The following ALMS1 variants were observed in gnomAD, a reference collection of about 807,000 sequenced individuals.
The protein encoded by ALMS1 is centrosome-associated protein ALMS1.
In ALMS1, 271 loss-of-function variants were observed where a neutral mutation model predicts 352.2. The observed-to-expected ratio is 0.77, with a 90% CI of 0.70 to 0.85. ALMS1 has a LOEUF of 0.85. Ranked by LOEUF, ALMS1 falls within the 40% of genes least tolerant of loss-of-function variation. ALMS1 has a pLI of 0.00. For missense variants in ALMS1, 5,445 were observed against 4,870.7 expected (o/e 1.12, Z -3.51); for synonymous variants, 1,865 against 1,761.2 (o/e 1.06, Z -1.48).
Position 73,550,278 on chromosome 2 carries a change from G to A in ALMS1, c.9919G>A (p.Ala3307Thr), listed in dbSNP as rs1324381376. Residue 3307 changes from alanine to threonine, a missense_variant, in exon 13 of 23, where the codon GCC becomes ACC. Coordinates refer to ENST00000613296, the MANE Select transcript of ALMS1 (RefSeq NM_001378454.1). ...VESSHSGSND[A>T]IAPDFPAQVL... ...CCGTTTTTCTGTAGGATCCAATGATGCCATTGCTCCAGACTTCCCAGCTCA... is the reference window on the plus strand; with the variant it reads ...CCGTTTTTCTGTAGGATCCAATGATACCATTGCTCCAGACTTCCCAGCTCA... The A allele has an allele frequency of 6.2e-7, 1 of 1,613,870 alleles. No individual in the cohort carries two copies. Among genetic ancestry groups the A allele is most frequent in the African/African-American group, 1.3e-5 (1 of 74,906 alleles).
chr2:73,565,004 G>T (rs1455106415), intron 15 of ALMS1, among the ~76,000 whole-genome samples: 1 of 152,200 alleles, frequency 6.6e-6, no homozygotes, highest in Admixed American at 6.5e-5. Context: ...AACAATGGCA[G>T]TAGGTTGGTA....
intron 3 of ALMS1, among the ~76,000 whole-genome samples, chr2:73,420,590 AG>A (rs1367427010): frequency 6.6e-6 from 1 of 152,210 alleles, no homozygotes; most frequent in Non-Finnish European, 1.5e-5. Flanking sequence ...ATACTAAAAA[AG>A]GCTATATAAC....
intron 9 of ALMS1, among the ~76,000 whole-genome samples, chr2:73,488,512 C>T (rs551543572): frequency 9.5e-4 from 145 of 152,254 alleles, no homozygotes; most frequent in African/African-American, 3.4e-3. Context: ...TGTGACTGGG[C>T]AGCTGCAGCT....
chr2:73,541,156 A>G (rs1008515727), intron 12 of ALMS1, among the ~76,000 whole-genome samples: 51 of 152,314 alleles, frequency 3.3e-4, no homozygotes, highest in African/African-American at 1.2e-3. Flanking sequence ...AAAGAACAGA[A>G]ATTATAACAA....
At chr2:73,571,324 A>T (rs1674922132) in intron 15 of ALMS1, among the ~76,000 whole-genome samples, 1 of 152,186 alleles carries the variant, frequency 6.6e-6, no homozygotes. Context: ...CATATCAGAG[A>T]TTAGAATTAG....
intron 10 of ALMS1, among the ~76,000 whole-genome samples, chr2:73,513,014 T>C (rs1673483547): frequency 6.6e-6 from 1 of 152,232 alleles, no homozygotes; most frequent in Admixed American, 6.5e-5. Context: ...CATTTTTTAC[T>C]TTTTTCTTTG....
intron 11 of ALMS1, among the ~76,000 whole-genome samples, chr2:73,520,247 A>G (rs967735130): frequency 1.3e-4 from 20 of 152,216 alleles, no homozygotes; most frequent in African/African-American, 4.8e-4. Flanking sequence ...TGTTTGTGTT[A>G]AAACTTAGTT....
intron 10 of ALMS1, among the ~76,000 whole-genome samples, chr2:73,496,551 A>C (rs1015259458): frequency 6.7e-6 from 1 of 149,878 alleles, no homozygotes; most frequent in Non-Finnish European, 1.5e-5. Flanking sequence ...AAACATTTAT[A>C]TACAGGTTTT....
chr2:73,493,392 A>G (rs1673032739), intron 10 of ALMS1, among the ~76,000 whole-genome samples: 1 of 151,102 alleles, frequency 6.6e-6, no homozygotes. Context: ...CATAAAACAT[A>G]TATATATAAG....
At chr2:73,459,663 A>G (rs1361562326) in intron 9 of ALMS1, among the ~76,000 whole-genome samples, 1 of 152,170 alleles carries the variant, frequency 6.6e-6, no homozygotes, top group Non-Finnish European at 1.5e-5. Flanking sequence ...CACTGGAACC[A>G]TTTTAAGCTG....
chr2:73,557,314 C>G lies in ALMS1; in HGVS notation c.10173C>G (p.Ala3391=), dbSNP rs745830910. ...IHSTRAVTEA[A]QAKEKESLQK... ...GTACAAGGGCAGTGACTGAGGCTGC[C>G]CAGGCTAAAGAAAAAGAATCTTTGC... is the stretch of plus-strand genomic sequence containing the variant. Residue 3391 remains alanine, a synonymous_variant, in exon 14 of 23, where the codon GCC becomes GCG. Transcript: ENST00000613296. The G allele has an allele frequency of 6.2e-7, 1 of 1,614,072 alleles. No individual in the cohort carries two copies. The highest frequency in any genetic ancestry group is 1.1e-5 in the South Asian group (1 of 91,068).
chr2:73,578,344 T>A (rs1301839573), intron 16 of ALMS1, among the ~76,000 whole-genome samples: 1 of 152,202 alleles, frequency 6.6e-6, no homozygotes, highest in East Asian at 1.9e-4. Flanking sequence ...CCTCTCTGCC[T>A]TTTAATTGGC....
Position 73,490,115 on chromosome 2 carries a change from C to T in ALMS1, c.8156C>T (p.Ser2719Phe). Residue 2719 changes from serine to phenylalanine, a missense_variant, in exon 10 of 23, where the codon TCT (serine) becomes TTT (phenylalanine). Transcript: ENST00000613296. Reference sequence around the variant, plus strand: ...TTTACTACCTCCATCACTTTTTCATCTCACCGACATTCTAAATGCATTTCC... The same window carrying T: ...TTTACTACCTCCATCACTTTTTCATTTCACCGACATTCTAAATGCATTTCC... Reference protein sequence around the residue: ...KKFTTSITFSSHRHSKCISNS... With the variant: ...KKFTTSITFSFHRHSKCISNS... The T allele has an allele frequency of 6.2e-7, 1 of 1,614,192 alleles. No homozygotes were observed.
chr2:73,515,368 A>G (rs1253730339), intron 10 of ALMS1, among the ~76,000 whole-genome samples: 2 of 152,080 alleles, frequency 1.3e-5, no homozygotes, highest in Non-Finnish European at 2.9e-5. Flanking sequence ...TGTGCTAACT[A>G]GTAGCTAAAT....
chr2:73,435,484 A>G (rs1043203208), intron 7 of ALMS1, among the ~76,000 whole-genome samples: 1 of 151,910 alleles, frequency 6.6e-6, no homozygotes, highest in African/African-American at 2.4e-5. Context: ...TTCAATTTAT[A>G]CTAACTTAAT....
chr2:73,554,930 TAAAC>T (rs1422792227), intron 13 of ALMS1, among the ~76,000 whole-genome samples: 5 of 152,144 alleles, frequency 3.3e-5, no homozygotes, highest in Admixed American at 2.0e-4. Context: ...GTCTGTAAGA[TAAAC>T]AATACGGTAC....
chr2:73,443,102 T>C (rs1671748865), intron 7 of ALMS1, among the ~76,000 whole-genome samples: 2 of 152,308 alleles, frequency 1.3e-5, no homozygotes, highest in African/African-American at 2.4e-5. Flanking sequence ...AAACTGATCA[T>C]CTTCTCTGCC....
chr2:73,479,135 G>A (rs779107048), intron 9 of ALMS1, among the ~76,000 whole-genome samples: 2 of 152,004 alleles, frequency 1.3e-5, no homozygotes, highest in Non-Finnish European at 2.9e-5. Flanking sequence ...TTTGTCCAGT[G>A]GTATTTAATT....
In ALMS1 at chr2:73,496,835, A is replaced by G. The variant is rs371054947; in HGVS notation, c.9539+5337A>G. Among the ~76,000 whole-genome samples the G allele has an allele frequency of 1.1e-4, 16 of 152,320 alleles. No homozygotes were observed. The South Asian group carries it at 3.3e-3, about 32-fold the overall frequency. On this transcript the variant is annotated intron_variant, in intron 10 of 22. Coordinates refer to ENST00000613296, the MANE Select transcript of ALMS1 (RefSeq NM_001378454.1). ...GCATGTCCTTCCTTAATGGCTAATTATTATGAACACCGTTTCAAGAGCTTA... is the reference window on the plus strand; with the variant it reads ...GCATGTCCTTCCTTAATGGCTAATTGTTATGAACACCGTTTCAAGAGCTTA...
Sources: allele counts gnomAD v4.1 joint callset (sites outside exome capture counted in the v4.1 genomes callset), GRCh38; gene constraint gnomAD v4.1.1; transcripts MANE v1.5; gene names NCBI Gene and HGNC (gene_info 2026-07-23, HGNC 2026-07-21).